The following PATL2 variants were observed in gnomAD, a reference collection of about 807,000 sequenced individuals.
PATL2 encodes the protein protein PAT1 homolog 2.
In PATL2, 73 loss-of-function variants were observed where a neutral mutation model predicts 77.0. That is an observed-to-expected ratio of 0.95 (90% CI 0.78 to 1.15). PATL2 has a LOEUF of 1.15. Ranked by LOEUF, PATL2 falls within the 50% of genes most tolerant of loss-of-function variation. PATL2 has a pLI of 0.00. For synonymous variants in PATL2, 265 were observed against 257.1 expected (o/e 1.03, Z -0.29); for missense variants, 618 against 655.4 (o/e 0.94, Z 0.62).
rs909144785 is a variant in PATL2, at chr15:44,703,311, T to C, written c.-76+6785A>G. Among the ~76,000 whole-genome samples the C allele has an allele frequency of 2.0e-5, 3 of 152,186 alleles. No homozygotes were observed. The South Asian group carries it at 6.2e-4, about 32-fold the overall frequency. ...AAATCTATTAGAGCCATTTGATCTA[T>C]AGTGCAGATTAAGTCTGATGTTTCT... On this transcript the variant is annotated intron_variant, in intron 3 of 17. Transcript: ENST00000682850.
At chr15:44,668,599 T>G in intron 14 of PATL2, 117 bp from the exon 15 acceptor site, 2 of 1,280,654 alleles carry the variant, frequency 1.6e-6, no homozygotes, top group Non-Finnish European at 2.1e-6. Flanking sequence ...GTGAGGTTAC[T>G]TACCAGGCTT....
chr15:44,683,435 T>A (rs1304652212), intron 3 of PATL2, among the ~76,000 whole-genome samples: 2 of 152,022 alleles, frequency 1.3e-5, no homozygotes, highest in East Asian at 3.9e-4. Flanking sequence ...GAGGCTTGAG[T>A]AGGTGGTTTT....
At chr15:44,709,275 T>G (rs1283940552) in intron 3 of PATL2, among the ~76,000 whole-genome samples, 2 of 152,172 alleles carry the variant, frequency 1.3e-5, no homozygotes, top group Non-Finnish European at 1.5e-5. Context: ...TTGCCAACAT[T>G]TACTACTTTG....
Position 44,671,668 on chromosome 15 carries a change from C to T in PATL2, c.657+347G>A, listed in dbSNP as rs116841498. On this transcript the variant is annotated intron_variant, in intron 9 of 17. Coordinates refer to ENST00000682850, the MANE Select transcript of PATL2 (RefSeq NM_001387263.1). Reference sequence around the variant, plus strand: ...TTTATAACATCCCTGTGCTTTAGATCTAAAAAGTCAAAGTAGATGAATATA... The same window carrying T: ...TTTATAACATCCCTGTGCTTTAGATTTAAAAAGTCAAAGTAGATGAATATA... Among the ~76,000 whole-genome samples the T allele has an allele frequency of 2.3e-4, 35 of 152,194 alleles. No homozygotes were observed. In the East Asian group the frequency reaches 6.8e-3, roughly 29 times the overall value.
intron 3 of PATL2, among the ~76,000 whole-genome samples, chr15:44,690,650 ATCT>A (rs1243986723): frequency 6.6e-6 from 1 of 152,048 alleles, no homozygotes; most frequent in Non-Finnish European, 1.5e-5. Flanking sequence ...TTATCTGGTA[ATCT>A]TAAATTTACC....
chr15:44,675,957 A>C (rs1235773757), intron 4 of PATL2: 2 of 446,576 alleles, frequency 4.5e-6, no homozygotes, highest in African/African-American at 4.0e-5. Context: ...CAAGGCGGGA[A>C]GATCATTTGG....
rs548527219 is a variant in PATL2 at position 44,672,425 on chromosome 15, G to A, written c.478C>T (p.Arg160Ter). 44 of 1,551,570 alleles carry A rather than the reference G, an allele frequency of 2.8e-5. No homozygotes were observed. Among genetic ancestry groups the A allele is most frequent in the Middle Eastern group, 3.3e-4 (2 of 6,014 alleles). Reference protein sequence around the residue: ...HLTQLHPRHQRILQQQQHSQT... With the variant: ...HLTQLHPRHQ ...CTATGCTGCTGCTGCTGCAAGATTCGTTGGTGCCGAGGGTGGAGCTGGGTC... is the reference window on the plus strand; with the variant it reads ...CTATGCTGCTGCTGCTGCAAGATTCATTGGTGCCGAGGGTGGAGCTGGGTC... Residue 160 changes from arginine to a stop codon, truncating the protein, a stop_gained, in exon 8 of 18, where the codon CGA becomes TGA. Coordinates refer to ENST00000682850, the MANE Select transcript of PATL2 (RefSeq NM_001387263.1). LOFTEE classifies it high-confidence loss of function.
At chr15:44,687,467 A>C (rs1453380475) in intron 3 of PATL2, among the ~76,000 whole-genome samples, 1 of 152,126 alleles carries the variant, frequency 6.6e-6, no homozygotes, top group Non-Finnish European at 1.5e-5. Context: ...ATGGGCAAAA[A>C]CTGGAAGCAT....
rs142276562 is a variant in PATL2, at chr15:44,708,231, C to T, written c.-76+1865G>A. Among the ~76,000 whole-genome samples the T allele has an allele frequency of 4.3e-3, 648 of 152,068 alleles. 4 individuals are homozygous for T. Among genetic ancestry groups the T allele is most frequent in the African/African-American group, 0.015 (629 of 41,474 alleles). ...CTGATTTTTGGTTCTTATGAAGGTG[C>T]TTTTTTTTGTGTGGATCATTATTCA... On this transcript the variant is annotated intron_variant, in intron 3 of 17. Coordinates refer to ENST00000682850, the MANE Select transcript of PATL2 (RefSeq NM_001387263.1).
intron 15 of PATL2, 89 bp downstream of exon 15, chr15:44,668,253 G>A: frequency 1.4e-6 from 2 of 1,392,150 alleles, no homozygotes; most frequent in Non-Finnish European, 1.9e-6. Flanking sequence ...TAAGATTTGT[G>A]TAGAGATGAG....
Position 44,668,246 on chromosome 15 carries a change from G to T in PATL2, c.1365+96C>A, listed in dbSNP as rs889994595. ...AATAGAGAAGCACTGCAGAGGATAAGATTTGTGTAGAGATGAGACTGTCCC... is the reference window on the plus strand; with the variant it reads ...AATAGAGAAGCACTGCAGAGGATAATATTTGTGTAGAGATGAGACTGTCCC... On this transcript the variant is annotated intron_variant, in intron 15 of 17. Coordinates refer to ENST00000682850, the MANE Select transcript of PATL2 (RefSeq NM_001387263.1). 36 of 1,370,600 alleles carry T rather than the reference G, an allele frequency of 2.6e-5. 1 individual carries two copies. In the African/African-American group the frequency reaches 4.9e-4, roughly 19 times the overall value. 84.9% of individuals were successfully genotyped at this position (1,370,600 alleles called of 1,614,324 possible). A position where few individuals can be genotyped will look rare whatever the true frequency, so the allele number is the denominator to read the frequency against.
chr15:44,676,500 C>T lies in PATL2; in HGVS notation c.-10G>A, dbSNP rs914587546. 6.4e-7 allele frequency: 1 copy of T among 1,551,532 alleles called. No individual in the cohort carries two copies. Among genetic ancestry groups the T allele is most frequent in the Admixed American group, 2.0e-5 (1 of 51,000 alleles). On this transcript the variant is annotated 5_prime_UTR_variant, in exon 4 of 18. Coordinates refer to ENST00000682850, the MANE Select transcript of PATL2 (RefSeq NM_001387263.1). ...CTTCAAGGCAATTCATCTTGGCAGG[C>T]TGGTGGACTTCCTTCTTAGCCGTGT...
At chr15:44,702,893 C>G (rs1162665083) in intron 3 of PATL2, among the ~76,000 whole-genome samples, 1 of 151,976 alleles carries the variant, frequency 6.6e-6, no homozygotes, top group African/African-American at 2.4e-5. Context: ...ATTTTGTGGT[C>G]TAACATATGG....
chr15:44,682,912 G>T (rs934462895), intron 3 of PATL2, among the ~76,000 whole-genome samples: 1 of 152,182 alleles, frequency 6.6e-6, no homozygotes, highest in African/African-American at 2.4e-5. Context: ...CACTGGGACT[G>T]GTTAGACAGT....
intron 3 of PATL2, among the ~76,000 whole-genome samples, chr15:44,697,042 G>A (rs2086518409): frequency 6.6e-6 from 1 of 152,188 alleles, no homozygotes; most frequent in Admixed American, 6.5e-5. Context: ...GTACTTTGGA[G>A]CAGGTAGCAA....
intron 3 of PATL2, among the ~76,000 whole-genome samples, chr15:44,698,235 T>C (rs908513893): frequency 1.3e-5 from 2 of 152,148 alleles, no homozygotes; most frequent in Non-Finnish European, 2.9e-5. Flanking sequence ...ATTTATCCTT[T>C]CTTTGTGTTA....
chr15:44,667,206 G>T lies in PATL2; in HGVS notation c.1366-3C>A. 1 of 1,548,970 alleles carries T rather than the reference G, an allele frequency of 6.5e-7. No individual in the cohort carries two copies. The highest frequency in any genetic ancestry group is 8.7e-7 in the Non-Finnish European group (1 of 1,144,726). On this transcript the variant is annotated splice_region_variant and splice_polypyrimidine_tract_variant and intron_variant, in intron 15 of 17. Transcript: ENST00000682850. ...GCATAGAGCAAAGATATTCCAAACT[G>T]CAAGGGACATATATATATTCCAGAG... is the stretch of plus-strand genomic sequence containing the variant.
At chr15:44,694,534 G>GTT (rs2086462857) in intron 3 of PATL2, among the ~76,000 whole-genome samples, 1 of 151,978 alleles carries the variant, frequency 6.6e-6, no homozygotes, top group Non-Finnish European at 1.5e-5. Flanking sequence ...TTGTGTGTGT[G>GTT]TCTGTCTCCT....
intron 3 of PATL2, among the ~76,000 whole-genome samples, chr15:44,690,626 C>T (rs185190557): frequency 2.2e-4 from 33 of 152,098 alleles, no homozygotes; most frequent in Admixed American, 7.9e-4. Flanking sequence ...TCCTGAGCCA[C>T]CATGCCTTTA....
Sources: allele counts gnomAD v4.1 joint callset (sites outside exome capture counted in the v4.1 genomes callset), GRCh38; gene constraint gnomAD v4.1.1; transcripts MANE v1.5; gene names NCBI Gene and HGNC (gene_info 2026-07-23, HGNC 2026-07-21).